The following EPG5 variants were observed in gnomAD, a reference collection of about 807,000 sequenced individuals.
EPG5 encodes ectopic P granules protein 5 homolog.
A neutral mutation model predicts 302.7 loss-of-function variants in EPG5; 159 were observed. That is an observed-to-expected ratio of 0.53 (90% confidence interval 0.46 to 0.60). EPG5 has a LOEUF of 0.60. Ranked by LOEUF, EPG5 falls within the 20% of genes least tolerant of loss-of-function variation. EPG5 has a pLI of 0.00. For synonymous variants in EPG5, 1,158 were observed against 1,136.8 expected (o/e 1.02, Z -0.37); for missense variants, 2,896 against 3,092.4 (o/e 0.94, Z 1.51).
At chr18:45,915,975 C>G (rs760434384) in intron 19 of EPG5, 34 bp downstream of exon 19, 2 of 1,554,970 alleles carry the variant, frequency 1.3e-6, no homozygotes, top group Non-Finnish European at 1.7e-6. Context: ...TCTAGCCAAT[C>G]ACTGAAAGAT....
At chr18:45,830,090 T>G in the EPG5 span, among the ~76,000 whole-genome samples, 1 of 152,210 alleles carries the variant, frequency 6.6e-6, no homozygotes, top group East Asian at 1.9e-4. Flanking sequence ...GCAGCTCAGC[T>G]TTCTCTCTAG....
At position 45,867,549 on chromosome 18, in the gene EPG5, C is replaced by T; in HGVS notation, c.6411+14G>A. 1 of 1,610,662 alleles carries T rather than the reference C, an allele frequency of 6.2e-7. No individual in the cohort carries two copies. ...AGCCTTGCCGAATTTTTGCCATAAG[C>T]TTCCCAAACTTACTGTTTGGTCTAC... On this transcript the variant is annotated intron_variant, in intron 37 of 43. Coordinates refer to ENST00000282041, the MANE Select transcript of EPG5 (RefSeq NM_020964.3).
At chr18:45,858,815 G>A in intron 40 of EPG5, 33 bp from the exon 41 acceptor site, 4 of 1,495,990 alleles carry the variant, frequency 2.7e-6, no homozygotes, top group Non-Finnish European at 3.7e-6. Flanking sequence ...TCAAGATATA[G>A]GCAAGAATCC....
At chr18:45,847,158 C>T (rs916791290), downstream of EPG5, among the ~76,000 whole-genome samples, 1 of 152,198 alleles carries the variant, frequency 6.6e-6, no homozygotes, top group Admixed American at 6.5e-5. Flanking sequence ...AATGTGCAGA[C>T]CCTTCTCCAC....
At position 45,923,146 on chromosome 18, in the gene EPG5, T is replaced by C. The variant is rs1375370037; in HGVS notation, c.2838+122A>G. On this transcript the variant is annotated intron_variant, in intron 15 of 43. Coordinates refer to ENST00000282041, the MANE Select transcript of EPG5 (RefSeq NM_020964.3). ...AACCATAGAAGTCAATTATAACATC[T>C]TAAATTGCTAGAAATGTTCTTAGGA... The C allele has an allele frequency of 2.7e-6, 3 of 1,093,856 alleles. No homozygotes were observed. In the African/African-American group the frequency reaches 4.7e-5, roughly 17 times the overall value. 67.8% of individuals were successfully genotyped at this position (1,093,856 alleles called of 1,614,324 possible).
rs1452825705 is a variant in EPG5 at position 45,904,006 on chromosome 18, A to T, written c.4441T>A (p.Ser1481Thr). 16 of 1,612,466 alleles carry T rather than the reference A, an allele frequency of 9.9e-6. No homozygotes were observed. The highest frequency in any genetic ancestry group is 1.4e-5 in the Non-Finnish European group (16 of 1,179,774). ...GGATCAGTGAAGTCCAGCTGCACGG[A>T]CAAACTGCAGGGTGTGGAATGGGAC... ...LESHSTPCSL[S>T]VQLDFTDPLL... Residue 1481 changes from serine (S) to threonine (T), a missense_variant, in exon 25 of 44, where the codon TCC (serine) becomes ACC (threonine). Coordinates refer to ENST00000282041, the MANE Select transcript of EPG5 (RefSeq NM_020964.3).
intron 32 of EPG5, among the ~76,000 whole-genome samples, chr18:45,879,470 C>T (rs939263719): frequency 1.5e-4 from 23 of 152,168 alleles, no homozygotes; most frequent in African/African-American, 5.1e-4. Flanking sequence ...TGGGTTCAAG[C>T]GATTCTCCTA....
intron 13 of EPG5, among the ~76,000 whole-genome samples, chr18:45,927,531 T>G (rs1444901240): frequency 6.7e-6 from 1 of 150,336 alleles, no homozygotes; most frequent in African/African-American, 2.5e-5. Context: ...TTATTCACAA[T>G]AGTCAAAAGG....
At chr18:45,824,248 C>T in the EPG5 span, among the ~76,000 whole-genome samples, 1 of 152,198 alleles carries the variant, frequency 6.6e-6, no homozygotes, top group Non-Finnish European at 1.5e-5. Context: ...GCTCTGTCGC[C>T]CAGGCTGGAG....
Position 45,922,499 on chromosome 18 carries a change from G to A in EPG5, c.2940C>T (p.Asn980=), listed in dbSNP as rs753235376. Reference sequence around the variant, plus strand: ...GACAATTCGGCTGTATTCCATAATCGTTTTTGTGCAGTTTTAGCCTCAAGA... The same window carrying A: ...GACAATTCGGCTGTATTCCATAATCATTTTTGTGCAGTTTTAGCCTCAAGA... ...NLILRLKLHK[N]DYGIQPNCPA... The change falls in exon 16 of 44, where the codon AAC becomes AAT. Residue 980 remains asparagine, a synonymous_variant. Transcript: ENST00000282041. The A allele has an allele frequency of 6.9e-5, 112 of 1,614,166 alleles. 2 individuals carry two copies. Among genetic ancestry groups the A allele is most frequent in the South Asian group, 5.7e-4 (52 of 91,084 alleles).
downstream of EPG5, among the ~76,000 whole-genome samples, chr18:45,844,973 T>C (rs2048352842): frequency 1.3e-5 from 2 of 152,226 alleles, no homozygotes; most frequent in South Asian, 4.1e-4. Flanking sequence ...ATTACCACAT[T>C]TGAGATCATT....
intron 21 of EPG5, among the ~76,000 whole-genome samples, chr18:45,913,452 C>T (rs534659405): frequency 3.3e-5 from 5 of 152,148 alleles, no homozygotes; most frequent in Non-Finnish European, 7.4e-5. Flanking sequence ...TTCTGATGTA[C>T]GTGGGATGCA....
the EPG5 span, chr18:45,839,155 G>C: frequency 7.4e-7 from 1 of 1,343,458 alleles, no homozygotes; most frequent in South Asian, 1.9e-5. Context: ...TCTGCTCTTA[G>C]ATAAGACCAC....
chr18:45,901,765 C>CCACA (rs58432761), intron 25 of EPG5, among the ~76,000 whole-genome samples: 4,630 of 146,660 alleles, frequency 0.032, 216 homozygotes, highest in African/African-American at 0.1. Context: ...CAATCCTGTG[C>CCACA]CACACACACA....
At chr18:45,833,125 C>T in the EPG5 span, among the ~76,000 whole-genome samples, 1 of 152,028 alleles carries the variant, frequency 6.6e-6, no homozygotes, top group African/African-American at 2.4e-5. Flanking sequence ...TGGCTCTTGT[C>T]CTTGGGCACT....
chr18:45,922,793 A>C (rs1427883536), intron 15 of EPG5, among the ~76,000 whole-genome samples, 193 bp from the exon 16 acceptor site: 1 of 152,232 alleles, frequency 6.6e-6, no homozygotes, highest in Non-Finnish European at 1.5e-5. Context: ...CTTGCTAGTC[A>C]CTTTGTGAAC....
the EPG5 span, among the ~76,000 whole-genome samples, chr18:45,822,851 TA>T: frequency 6.6e-6 from 1 of 152,200 alleles, no homozygotes; most frequent in Non-Finnish European, 1.5e-5. Context: ...AAGTGGGGTA[TA>T]CTTTCACTGA....
At position 45,958,525 on chromosome 18, in the gene EPG5, T is replaced by C. The variant is rs191500328; in HGVS notation, c.64-3187A>G. Among the ~76,000 whole-genome samples the C allele has an allele frequency of 1.9e-3, 289 of 152,256 alleles. 2 individuals carry two copies. The highest frequency in any genetic ancestry group is 9.4e-4 in the Non-Finnish European group (64 of 68,014). ...ATCCAGAAATAAAACCTTACATATA[T>C]GGCAAATTGATTTTGACAAGAATGC... On this transcript the variant is annotated intron_variant, in intron 1 of 43. Coordinates refer to ENST00000282041, the MANE Select transcript of EPG5 (RefSeq NM_020964.3).
At chr18:45,922,684 A>C (rs923696535) in intron 15 of EPG5, 84 bp from the exon 16 acceptor site, 1 of 1,472,230 alleles carries the variant, frequency 6.8e-7, no homozygotes, top group African/African-American at 1.4e-5. Context: ...TTTTGTGACC[A>C]ACAATGCCCT....
Sources: gnomAD v4.1 joint callset for allele counts (sites outside exome capture counted in the v4.1 genomes callset) on GRCh38, gnomAD v4.1.1 for gene constraint, MANE v1.5 for transcripts, NCBI Gene and HGNC (gene_info 2026-07-23, HGNC 2026-07-21) for gene names.